The following ZDHHC21 variants were observed in gnomAD, a reference collection of about 807,000 sequenced individuals.
ZDHHC21 encodes the protein zDHHC palmitoyltransferase 21.
Under a neutral mutation model 34.6 loss-of-function variants are expected in ZDHHC21, and 15 were observed. That is an observed-to-expected ratio of 0.43 (90% CI 0.29 to 0.67). The LOEUF (loss-of-function observed/expected upper bound fraction) is 0.67. ZDHHC21 is among the 30% of genes least tolerant of loss of function. The probability of loss-of-function intolerance (pLI) is 0.14; values close to 1 mark genes in which losing one functional copy is unlikely to be tolerated. For synonymous variants in ZDHHC21, 142 were observed against 101.8 expected (o/e 1.40, Z -2.38); for missense variants, 344 against 327.7 (o/e 1.05, Z -0.38).
chr9:14,638,099 C>T (rs922027118), intron 8 of ZDHHC21, among the ~76,000 whole-genome samples: 2 of 151,990 alleles, frequency 1.3e-5, no homozygotes, highest in Admixed American at 1.3e-4. Flanking sequence ...ATGCTGGAGG[C>T]ATCACATTAC....
the ZDHHC21 span, among the ~76,000 whole-genome samples, chr9:14,602,935 A>C: frequency 1.4e-4 from 20 of 146,238 alleles, no homozygotes; most frequent in South Asian, 1.1e-3. Flanking sequence ...TCTCAAAAAA[A>C]AAAAAAAAAA....
rs1333752113 is a variant in ZDHHC21 at position 14,662,265 on chromosome 9, G to A, written c.315C>T (p.His105=). 1.4e-5 allele frequency: 22 copies of A among 1,613,088 alleles called. No individual in the cohort carries two copies. Among genetic ancestry groups the A allele is most frequent in the Non-Finnish European group, 1.9e-5 (22 of 1,179,662 alleles). Residue 105 remains histidine (H), a synonymous_variant, in exon 6 of 10, where the codon CAC becomes CAT. Coordinates refer to ENST00000380916, the MANE Select transcript of ZDHHC21 (RefSeq NM_178566.6). The stretch of plus-strand genomic sequence containing the variant: ...TCACACAGTGGCCGCAGCGGCTACA[G>A]TGATGGGAACGCTTTGGTCTCATCA... ...CNLMRPKRSH[H]CSRCGHCVRR...
the ZDHHC21 span, among the ~76,000 whole-genome samples, chr9:14,592,544 G>C: frequency 1.3e-5 from 2 of 151,972 alleles, no homozygotes; most frequent in African/African-American, 4.8e-5. Context: ...AGAATTAAAA[G>C]AACAAATAAC....
chr9:14,624,134 T>C (rs1004035167), intron 8 of ZDHHC21, among the ~76,000 whole-genome samples: 3 of 152,052 alleles, frequency 2.0e-5, no homozygotes, highest in African/African-American at 2.4e-5. Context: ...TAAAATAATA[T>C]AGTTTAACAA....
chr9:14,657,865 T>A (rs1482241553), intron 7 of ZDHHC21, among the ~76,000 whole-genome samples: 1 of 152,222 alleles, frequency 6.6e-6, no homozygotes, highest in Non-Finnish European at 1.5e-5. Context: ...TAGGCTCAAT[T>A]ATTTGAAACA....
At chr9:14,654,239 C>A (rs1313470776) in intron 7 of ZDHHC21, among the ~76,000 whole-genome samples, 1 of 151,974 alleles carries the variant, frequency 6.6e-6, no homozygotes, top group Non-Finnish European at 1.5e-5. Flanking sequence ...AAAGACAAAT[C>A]CAGCAATCAA....
chr9:14,634,793 G>A (rs957431256), intron 8 of ZDHHC21, among the ~76,000 whole-genome samples: 1 of 152,016 alleles, frequency 6.6e-6, no homozygotes, highest in Admixed American at 6.6e-5. Context: ...ACATAAAAAA[G>A]CAGGAAATAT....
chr9:14,601,330 T>C, the ZDHHC21 span, among the ~76,000 whole-genome samples: 67 of 151,956 alleles, frequency 4.4e-4, no homozygotes, highest in Non-Finnish European at 6.2e-4. Flanking sequence ...TCAAAAAGTG[T>C]GCAAAGGATA....
intron 8 of ZDHHC21, among the ~76,000 whole-genome samples, chr9:14,633,776 G>A (rs1827787649): frequency 6.6e-6 from 1 of 152,128 alleles, no homozygotes; most frequent in Non-Finnish European, 1.5e-5. Context: ...AGCCATTGTG[G>A]GCTGGCACTG....
chr9:14,658,914 AAT>A (rs2133912545), intron 6 of ZDHHC21, 27 bp from the exon 7 acceptor site: 2 of 1,590,046 alleles, frequency 1.3e-6, no homozygotes, highest in Non-Finnish European at 1.7e-6. Context: ...AAAAAGAAAC[AAT>A]ATTTTAAATT....
intron 7 of ZDHHC21, among the ~76,000 whole-genome samples, chr9:14,654,001 G>C (rs578225830): frequency 2.2e-4 from 34 of 152,098 alleles, no homozygotes; most frequent in Admixed American, 6.6e-4. Context: ...GCGTTAAGGT[G>C]AGCCATATAT....
At chr9:14,646,552 T>C (rs1349565735) in intron 7 of ZDHHC21, among the ~76,000 whole-genome samples, 1 of 152,060 alleles carries the variant, frequency 6.6e-6, no homozygotes, top group Non-Finnish European at 1.5e-5. Flanking sequence ...TCAGACCACC[T>C]CTCTGATCTC....
the ZDHHC21 span, among the ~76,000 whole-genome samples, chr9:14,592,982 T>C: frequency 6.6e-6 from 1 of 152,172 alleles, no homozygotes; most frequent in Non-Finnish European, 1.5e-5. Context: ...GAACACAGCA[T>C]ATCAAAATTT....
intron 2 of ZDHHC21, among the ~76,000 whole-genome samples, chr9:14,682,662 A>T (rs1405451134): frequency 6.6e-6 from 1 of 152,122 alleles, no homozygotes; most frequent in East Asian, 1.9e-4. Context: ...TCCAGGAATT[A>T]AACTCAGCTC....
At chr9:14,689,219 G>A (rs1028005708) in intron 2 of ZDHHC21, among the ~76,000 whole-genome samples, 4 of 152,142 alleles carry the variant, frequency 2.6e-5, no homozygotes, top group Admixed American at 6.5e-5. Context: ...GAAGAAAACC[G>A]AAAATAGAGA....
At chr9:14,659,065 A>G (rs1587226525) in intron 6 of ZDHHC21, among the ~76,000 whole-genome samples, 178 bp from the exon 7 acceptor site, 2 of 152,238 alleles carry the variant, frequency 1.3e-5, no homozygotes, top group Non-Finnish European at 2.9e-5. Context: ...ATACCATCTT[A>G]TATTTGTAAA....
chr9:14,661,447 T>A (rs1444926543), intron 6 of ZDHHC21, among the ~76,000 whole-genome samples: 1 of 152,200 alleles, frequency 6.6e-6, no homozygotes, highest in Non-Finnish European at 1.5e-5. Context: ...CATATATGTA[T>A]ACAGATACAT....
chr9:14,637,847 A>T (rs1828584204), intron 8 of ZDHHC21, among the ~76,000 whole-genome samples: 5 of 152,114 alleles, frequency 3.3e-5, no homozygotes. Flanking sequence ...CTCTATAAGG[A>T]AAACTGCAAA....
At chr9:14,607,903 G>GA (rs1470142895), downstream of ZDHHC21, among the ~76,000 whole-genome samples, 1 of 152,146 alleles carries the variant, frequency 6.6e-6, no homozygotes, top group East Asian at 1.9e-4. Context: ...AAATGTACAT[G>GA]AAAAATCAAT....
Sources: gnomAD v4.1 joint callset for allele counts (sites outside exome capture counted in the v4.1 genomes callset) on GRCh38, gnomAD v4.1.1 for gene constraint, MANE v1.5 for transcripts, NCBI Gene and HGNC (gene_info 2026-07-23, HGNC 2026-07-21) for gene names.